GRIK2: variants seen among roughly 807,000 people sequenced by gnomAD.
GRIK2 encodes glutamate ionotropic receptor kainate type subunit 2.
In GRIK2, 32 loss-of-function variants were observed where a neutral mutation model predicts 100.3. That is an observed-to-expected ratio of 0.32 (90% CI 0.24 to 0.43). The LOEUF is 0.43. GRIK2 is among the 20% of genes least tolerant of loss of function. The pLI is 1.00. For missense variants in GRIK2, 843 were observed against 1,114.9 expected, an observed-to-expected ratio of 0.76 and a Z score of 3.47; for synonymous variants, 417 against 389.4, an observed-to-expected ratio of 1.07 and a Z score of -0.83.
chr6:101,628,787 G>A (rs945760199), intron 4 of GRIK2, among the ~76,000 whole-genome samples: 1 of 152,002 alleles, frequency 6.6e-6, no homozygotes, highest in African/African-American at 2.4e-5. Context: ...ATATGTGCAT[G>A]CACACAGGTA....
intron 11 of GRIK2, among the ~76,000 whole-genome samples, chr6:101,866,610 C>A (rs1384994712): frequency 6.6e-6 from 1 of 152,022 alleles, no homozygotes; most frequent in Non-Finnish European, 1.5e-5. Context: ...TATTCCTCTG[C>A]AAAATCATTA....
intron 7 of GRIK2, among the ~76,000 whole-genome samples, chr6:101,768,791 C>T (rs929272998): frequency 3.9e-5 from 6 of 152,136 alleles, no homozygotes; most frequent in African/African-American, 1.4e-4. Context: ...GTGCTTTGAG[C>T]CTTGGCTCCT....
intron 7 of GRIK2, among the ~76,000 whole-genome samples, chr6:101,710,401 T>C (rs1583002900): frequency 1.3e-5 from 2 of 151,988 alleles, no homozygotes; most frequent in African/African-American, 4.8e-5. Context: ...AAAAGGTGAT[T>C]GTGAAGATCA....
intron 2 of GRIK2, among the ~76,000 whole-genome samples, chr6:101,522,960 T>C (rs1774953557): frequency 6.6e-6 from 1 of 151,414 alleles, no homozygotes; most frequent in Admixed American, 6.6e-5. Flanking sequence ...AATGAACTAA[T>C]GAGTTTCTAT....
rs778501708 is a variant in GRIK2 at position 101,626,507 on chromosome 6, G to C, written c.411G>C (p.Gln137His). Residue 137 changes from glutamine to histidine, a missense_variant, in exon 4 of 17, where the codon CAG (glutamine) becomes CAC (histidine). By Grantham distance (24) the Gln-to-His change is conservative. This residue lies in a region of GRIK2 where 519 missense variants were observed against 643.8 expected (regional missense o/e 0.81). Coordinates refer to ENST00000369134, the MANE Select transcript of GRIK2 (RefSeq NM_021956.5). ...VPHIQTRWKH[Q>H]VSDNKDSFYV... is the part of the protein sequence containing the mutation. ...ACATACAGACCCGCTGGAAGCACCA[G>C]GTGTCAGACAACAAAGATTCCTTCT... 3.7e-6 allele frequency: 6 copies of C among 1,613,962 alleles called. No individual in the cohort carries two copies. The highest frequency in any genetic ancestry group is 5.1e-6 in the Non-Finnish European group (6 of 1,179,940).
chr6:101,556,405 G>T (rs1318621326), intron 2 of GRIK2, among the ~76,000 whole-genome samples: 1 of 134,622 alleles, frequency 7.4e-6, no homozygotes, highest in African/African-American at 2.7e-5. Context: ...CGCGATCTCG[G>T]CTCACTGCAA....
At chr6:101,451,698 G>C (rs750739517) in intron 2 of GRIK2, among the ~76,000 whole-genome samples, 26 of 59,166 alleles carry the variant, frequency 4.4e-4, no homozygotes, top group East Asian at 1.6e-3. Flanking sequence ...ATCTCTGAGG[G>C]GGGGGGGGGT....
At chr6:101,616,417 A>G (rs992028622) in intron 2 of GRIK2, among the ~76,000 whole-genome samples, 2 of 151,846 alleles carry the variant, frequency 1.3e-5, no homozygotes, top group South Asian at 2.1e-4. Flanking sequence ...CAAGGTTAAT[A>G]TATTGTTATG....
intron 2 of GRIK2, among the ~76,000 whole-genome samples, chr6:101,542,419 A>G (rs983105815): frequency 1.1e-4 from 17 of 152,162 alleles, no homozygotes; most frequent in Middle Eastern, 6.8e-3. Flanking sequence ...TTTTATGGTC[A>G]CCTAATCTCT....
intron 2 of GRIK2, among the ~76,000 whole-genome samples, chr6:101,446,391 A>G (rs1301721943): frequency 2.0e-5 from 3 of 151,970 alleles, no homozygotes; most frequent in Non-Finnish European, 4.4e-5. Context: ...ACTTCATTAT[A>G]AAGAATACAC....
intron 2 of GRIK2, among the ~76,000 whole-genome samples, chr6:101,494,016 T>C (rs1306037524): frequency 4.0e-5 from 4 of 100,322 alleles, no homozygotes; most frequent in Non-Finnish European, 7.6e-5. Context: ...ATATTATATA[T>C]AAAAATTATA....
chr6:101,835,628 G>A lies in GRIK2; in HGVS notation c.1317+17145G>A, dbSNP rs542466973. On this transcript the variant is annotated intron_variant, in intron 10 of 16. Transcript: ENST00000369134. ...TAGGATTGCAGGCACCCGCCACCACGCCTGGCTAATTTTTGTATTTTAGTA... is the reference window on the plus strand; with the variant it reads ...TAGGATTGCAGGCACCCGCCACCACACCTGGCTAATTTTTGTATTTTAGTA... 1.0e-4 allele frequency among the ~76,000 whole-genome samples: 15 copies of A among 150,180 alleles called. No individual in the cohort carries two copies. In the East Asian group the frequency reaches 1.6e-3, roughly 16 times the overall value.
In GRIK2 at chr6:101,676,754, C is replaced by T; in HGVS notation, c.673C>T (p.His225Tyr). The change falls in exon 5 of 17, where the codon CAT (histidine) becomes TAT (tyrosine). Residue 225 changes from histidine (H) to tyrosine (Y), a missense_variant. Transcript: ENST00000369134. ...LKEMKRGKEF[H>Y]VIFDCSHEMA... ...AGAAATGAAAAGAGGCAAGGAGTTT[C>T]ATGTAATCTTTGATTGTAGCCATGA... 6.2e-7 allele frequency: 1 copy of T among 1,608,846 alleles called. No homozygotes were observed. Among genetic ancestry groups the T allele is most frequent in the Non-Finnish European group, 8.5e-7 (1 of 1,177,196 alleles).
At chr6:101,572,790 TTTGTTG>T (rs541014397) in intron 2 of GRIK2, among the ~76,000 whole-genome samples, 1 of 148,592 alleles carries the variant, frequency 6.7e-6, no homozygotes, top group Non-Finnish European at 1.5e-5. Flanking sequence ...TTTAAGGTGT[TTTGTTG>T]TTGTTGTTAT....
chr6:101,593,733 G>A (rs560796873), intron 2 of GRIK2, among the ~76,000 whole-genome samples: 197 of 151,884 alleles, frequency 1.3e-3, no homozygotes, highest in African/African-American at 4.7e-3. Context: ...TATTAAAGTT[G>A]ACTTTTTCAT....
At chr6:102,016,890 C>A (rs916670459) in intron 14 of GRIK2, among the ~76,000 whole-genome samples, 7 of 152,054 alleles carry the variant, frequency 4.6e-5, no homozygotes, top group African/African-American at 1.4e-4. Flanking sequence ...GGACAGGTAA[C>A]CTACAAAGGG....
At chr6:101,727,585 A>G (rs925744832) in intron 7 of GRIK2, among the ~76,000 whole-genome samples, 1 of 152,220 alleles carries the variant, frequency 6.6e-6, no homozygotes, top group Admixed American at 6.6e-5. Context: ...TCAACTTTTT[A>G]TCTTTTAATA....
Position 101,833,891 on chromosome 6 carries a change from A to T in GRIK2, c.1317+15408A>T, listed in dbSNP as rs571898008. On this transcript the variant is annotated intron_variant, in intron 10 of 16. Coordinates refer to ENST00000369134, the MANE Select transcript of GRIK2 (RefSeq NM_021956.5). Reference sequence around the variant, plus strand: ...TATCAGGGTTATGCTAACTTCATTTAAATGAAGATGAACTGGTTTCAGAGC... The same window carrying T: ...TATCAGGGTTATGCTAACTTCATTTTAATGAAGATGAACTGGTTTCAGAGC... Among the ~76,000 whole-genome samples, 3 of 152,138 alleles carry T rather than the reference A, an allele frequency of 2.0e-5. No individual in the cohort carries two copies. In the South Asian group the frequency reaches 6.2e-4, roughly 31 times the overall value.
At chr6:101,929,881 T>G (rs1207706534) in intron 14 of GRIK2, among the ~76,000 whole-genome samples, 1 of 152,144 alleles carries the variant, frequency 6.6e-6, no homozygotes, top group Non-Finnish European at 1.5e-5. Context: ...TCACTGTTAT[T>G]TAATCAAATT....
Sources: gnomAD v4.1 joint callset for allele counts (sites outside exome capture counted in the v4.1 genomes callset) on GRCh38, gnomAD v4.1.1 for gene constraint, gnomAD v4.1.1 regional missense constraint, MANE v1.5 for transcripts, NCBI Gene and HGNC (gene_info 2026-07-23, HGNC 2026-07-21) for gene names.